Variants in EML4 observed in about 807,000 individuals in gnomAD.
EML4 encodes echinoderm microtubule-associated protein-like 4.
EML4 carries 72 observed loss-of-function variants against 129.0 expected under a neutral mutation model. The ratio of observed to expected loss-of-function variants is 0.56; its 90% CI spans 0.46 to 0.68. The LOEUF is 0.68. Ranked by LOEUF, EML4 falls within the 30% of genes least tolerant of loss-of-function variation. EML4 has a pLI of 0.00. For synonymous variants in EML4, 532 were observed against 405.0 expected, an observed-to-expected ratio of 1.31 and a Z score of -3.77; for missense variants, 1,363 against 1,190.6, an observed-to-expected ratio of 1.14 and a Z score of -2.13.
intron 1 of EML4, among the ~76,000 whole-genome samples, chr2:42,189,066 T>A (rs2103888169): frequency 6.6e-6 from 1 of 152,152 alleles, no homozygotes; most frequent in East Asian, 1.9e-4. Flanking sequence ...GGGATTTCAC[T>A]TTGTTGCCTA....
At chr2:42,272,305 T>C (rs901367379) in intron 6 of EML4, among the ~76,000 whole-genome samples, 2 of 152,200 alleles carry the variant, frequency 1.3e-5, no homozygotes, top group Admixed American at 1.3e-4. Context: ...CTCACAATTC[T>C]CCAAAGAACA....
At chr2:42,226,675 A>ATAAAG (rs1673983659) in intron 1 of EML4, among the ~76,000 whole-genome samples, 1 of 139,586 alleles carries the variant, frequency 7.2e-6, no homozygotes, top group Non-Finnish European at 1.5e-5. Context: ...ATAAAATAAA[A>ATAAAG]TAAAATAAAT....
At chr2:42,293,266 G>A (rs186259745) in intron 11 of EML4, among the ~76,000 whole-genome samples, 5 of 151,946 alleles carry the variant, frequency 3.3e-5, no homozygotes, top group African/African-American at 9.7e-5. Flanking sequence ...GCACCGCCAC[G>A]CCGGCTAATT....
chr2:42,198,737 A>AT (rs1255285191), intron 1 of EML4, among the ~76,000 whole-genome samples: 2 of 151,992 alleles, frequency 1.3e-5, no homozygotes, highest in African/African-American at 4.8e-5. Flanking sequence ...TATTGAGGCA[A>AT]TGGGAGTTGG....
intron 19 of EML4, among the ~76,000 whole-genome samples, chr2:42,322,396 A>G (rs1426350559): frequency 1.3e-5 from 2 of 152,244 alleles, no homozygotes; most frequent in Non-Finnish European, 2.9e-5. Flanking sequence ...ACTGAACAGC[A>G]TAGCTCTAAA....
chr2:42,199,490 T>A (rs1330522230), intron 1 of EML4, among the ~76,000 whole-genome samples: 1 of 152,188 alleles, frequency 6.6e-6, no homozygotes, highest in Non-Finnish European at 1.5e-5. Context: ...TGCAGGAGAC[T>A]TTTGGAGTAA....
At chr2:42,307,257 A>G (rs1039739557) in intron 17 of EML4, among the ~76,000 whole-genome samples, 4 of 152,232 alleles carry the variant, frequency 2.6e-5, no homozygotes, top group African/African-American at 7.2e-5. Context: ...GTCATCATTG[A>G]CAAGCTTAAA....
Position 42,261,311 on chromosome 2 carries a change from A to G in EML4, c.512+17A>G. 1 of 1,602,826 alleles carries G rather than the reference A, an allele frequency of 6.2e-7. No individual in the cohort carries two copies. Among genetic ancestry groups the G allele is most frequent in the Non-Finnish European group, 8.5e-7 (1 of 1,174,170 alleles). On this transcript the variant is annotated intron_variant, in intron 4 of 22. Transcript: ENST00000318522. ...CACCAAAAGGTTTTAACTGTCCCCA[A>G]GTACAGAGCTAGGGAATGGTTGTAA...
At chr2:42,199,789 GAAGCGTCAC>G (rs941507968) in intron 1 of EML4, among the ~76,000 whole-genome samples, 4 of 152,182 alleles carry the variant, frequency 2.6e-5, no homozygotes, top group Non-Finnish European at 4.4e-5. Flanking sequence ...AGAAGGAACC[GAAGCGTCAC>G]AGAAATCCGA....
chr2:42,263,347 A>G, intron 5 of EML4, 41 bp downstream of exon 5: 1 of 1,541,996 alleles, frequency 6.5e-7, no homozygotes, highest in Non-Finnish European at 8.8e-7. Context: ...AAAAGTAATA[A>G]TTATTTGGCT....
chr2:42,266,573 G>T (rs564875552), intron 6 of EML4, among the ~76,000 whole-genome samples: 1 of 152,040 alleles, frequency 6.6e-6, no homozygotes, highest in South Asian at 2.1e-4. Flanking sequence ...CAAACTCCTG[G>T]GCTCAAGCAG....
intron 14 of EML4, among the ~76,000 whole-genome samples, chr2:42,302,202 A>G (rs544305791): frequency 3.6e-4 from 55 of 152,226 alleles, no homozygotes; most frequent in African/African-American, 1.3e-3. Context: ...GAACTTCCAC[A>G]TTACATTTTT....
rs778821296 is a variant in EML4, at chr2:42,245,577, A to G, written c.98A>G (p.Gln33Arg). Reference sequence around the variant, plus strand: ...TCAGCTCTTGAGTCACGAGTTCAGCAACAAGAAGATGAAATCACTGTGCTA... The same window carrying G: ...TCAGCTCTTGAGTCACGAGTTCAGCGACAAGAAGATGAAATCACTGTGCTA... ...RLSALESRVQ[Q>R]QEDEITVLKA... The change falls in exon 2 of 23, where the codon CAA becomes CGA. Residue 33 changes from glutamine (Q) to arginine (R), a missense_variant. Coordinates refer to ENST00000318522, the MANE Select transcript of EML4 (RefSeq NM_019063.5). The G allele has an allele frequency of 1.2e-6, 2 of 1,613,838 alleles. No individual in the cohort carries two copies. The highest frequency in any genetic ancestry group is 1.7e-6 in the Non-Finnish European group (2 of 1,179,902).
Position 42,315,991 on chromosome 2 carries a change from A to C in EML4, c.1997A>C (p.Asp666Ala), listed in dbSNP as rs773927964. 7 of 1,613,590 alleles carry C rather than the reference A, an allele frequency of 4.3e-6. No individual in the cohort carries two copies. Among genetic ancestry groups the C allele is most frequent in the Non-Finnish European group, 5.1e-6 (6 of 1,179,640 alleles). The change falls in exon 18 of 23, where the codon GAT becomes GCT. Residue 666 changes from aspartate (D) to alanine (A), a missense_variant. Coordinates refer to ENST00000318522, the MANE Select transcript of EML4 (RefSeq NM_019063.5). ...TTTGTTCTGGATGCAGAAACCAGAG[A>C]TCTAGTTTCTATCCACACAGACGGG... ...RWFVLDAETR[D>A]LVSIHTDGNE...
rs749606869 is a variant in EML4 at position 42,329,809 on chromosome 2, A to G, written c.2548A>G (p.Ile850Val). 3.7e-6 allele frequency: 6 copies of G among 1,614,000 alleles called. No homozygotes were observed. In the African/African-American group the frequency reaches 6.7e-5, roughly 18 times the overall value. Reference sequence around the variant, plus strand: ...TTTTACTCACAATGACAGTCACCTGATATCAACTGGTGGAAAAGACATGAG... The same window carrying G: ...TTTTACTCACAATGACAGTCACCTGGTATCAACTGGTGGAAAAGACATGAG... ...VSFTHNDSHL[I>V]STGGKDMSII... Residue 850 changes from isoleucine (I) to valine (V), a missense_variant, in exon 23 of 23, where the codon ATA becomes GTA. Physicochemically the swap from Ile to Val is conservative, Grantham distance 29. Coordinates refer to ENST00000318522, the MANE Select transcript of EML4 (RefSeq NM_019063.5).
intron 1 of EML4, among the ~76,000 whole-genome samples, chr2:42,201,192 C>G (rs184604951): frequency 6.6e-6 from 1 of 152,198 alleles, no homozygotes; most frequent in East Asian, 1.9e-4. Flanking sequence ...CCATCAAAAT[C>G]TAGCTATTAA....
intron 17 of EML4, among the ~76,000 whole-genome samples, chr2:42,311,327 G>A (rs1306647689): frequency 6.6e-6 from 1 of 152,172 alleles, no homozygotes; most frequent in Non-Finnish European, 1.5e-5. Context: ...AGCACTTTGG[G>A]AGGCCAAGGT....
chr2:42,256,595 T>G lies in EML4; in HGVS notation c.303T>G (p.Ile101Met). The change falls in exon 3 of 23, where the codon ATT (isoleucine) becomes ATG (methionine). Residue 101 changes from isoleucine to methionine, a missense_variant. Ile to Met is a conservative substitution (Grantham distance 10, BLOSUM62 1). Transcript: ENST00000318522. ...RKPSHTSAVS[I>M]AGKETLSSAA... ...CAAGTCATACCAGTGCTGTCTCAAT[T>G]GCAGGAAAAGAAACTCTTTCATCTG... 1 of 1,613,938 alleles carries G rather than the reference T, an allele frequency of 6.2e-7. No individual in the cohort carries two copies. Among genetic ancestry groups the G allele is most frequent in the Non-Finnish European group, 8.5e-7 (1 of 1,179,852 alleles).
At chr2:42,277,272 A>G (rs1227842659) in intron 6 of EML4, among the ~76,000 whole-genome samples, 1 of 152,252 alleles carries the variant, frequency 6.6e-6, no homozygotes, top group Non-Finnish European at 1.5e-5. Context: ...TTATATAACA[A>G]GTTGACACTT....
Sources: allele counts gnomAD v4.1 joint callset (sites outside exome capture counted in the v4.1 genomes callset), GRCh38; gene constraint gnomAD v4.1.1; transcripts MANE v1.5; gene names NCBI Gene and HGNC (gene_info 2026-07-23, HGNC 2026-07-21).